Variants in CXADR observed in about 807,000 individuals in gnomAD.
The protein encoded by CXADR is CXADR cell adhesion molecule.
CXADR carries 20 observed loss-of-function variants against 40.3 expected under a neutral mutation model. The ratio of observed to expected loss-of-function variants is 0.50; its 90% confidence interval spans 0.35 to 0.72. The LOEUF (loss-of-function observed/expected upper bound fraction) is 0.72, where lower values mean the gene tolerates loss of function less well. Ranked by LOEUF, CXADR falls within the 30% of genes least tolerant of loss-of-function variation. CXADR has a pLI of 0.01. For missense variants in CXADR, 332 were observed against 449.1 expected (o/e 0.74, Z 2.36); for synonymous variants, 150 against 161.3 (o/e 0.93, Z 0.53).
intron 1 of CXADR, among the ~76,000 whole-genome samples, chr21:17,537,540 C>T (rs1363597027): frequency 6.6e-6 from 1 of 152,118 alleles, no homozygotes; most frequent in Non-Finnish European, 1.5e-5. Context: ...CATAGCTCCT[C>T]TCTGTCCCTG....
chr21:17,626,269 A>G, the CXADR span, among the ~76,000 whole-genome samples: 1 of 152,300 alleles, frequency 6.6e-6, no homozygotes, highest in East Asian at 1.9e-4. Flanking sequence ...CAGGTTTTTT[A>G]AAAAAATAAT....
intron 1 of CXADR, among the ~76,000 whole-genome samples, chr21:17,531,535 C>T (rs1169823965): frequency 2.0e-5 from 3 of 152,134 alleles, no homozygotes; most frequent in East Asian, 1.9e-4. Context: ...CAGCTCATGT[C>T]AGACTTTTTC....
chr21:17,594,190 T>C, downstream of CXADR: 2 of 1,613,312 alleles, frequency 1.2e-6, no homozygotes, highest in Non-Finnish European at 1.7e-6. Context: ...GCGATATGGT[T>C]TATTTTTTCT....
the CXADR span, among the ~76,000 whole-genome samples, chr21:17,618,746 A>G: frequency 6.6e-6 from 1 of 152,182 alleles, no homozygotes; most frequent in East Asian, 1.9e-4. Context: ...CATGTTAGCC[A>G]GGCTGGTCTC....
rs2061213102 is a variant in CXADR, at chr21:17,566,689, A to G, written c.*997A>G. The G allele has an allele frequency of 1.0e-6, 1 of 982,492 alleles. No homozygotes were observed. Among genetic ancestry groups the G allele is most frequent in the Admixed American group, 6.2e-5 (1 of 16,244 alleles). 60.9% of individuals were successfully genotyped at this position (982,492 alleles called of 1,614,324 possible). On this transcript the variant is annotated 3_prime_UTR_variant, in exon 7 of 7. Transcript: ENST00000284878. ...GTTGTTGTTGTTTTTGGATGGTGTT[A>G]CATATTATATGTTCTAGAAACATGT...
chr21:17,589,424 C>T (rs2061419386), intron 7 of CXADR, among the ~76,000 whole-genome samples: 2 of 151,976 alleles, frequency 1.3e-5, no homozygotes, highest in Admixed American at 6.6e-5. Context: ...CCTCCAGTTA[C>T]AAAGTAATAA....
At chr21:17,574,437 A>G (rs2061304142), downstream of CXADR, among the ~76,000 whole-genome samples, 1 of 152,164 alleles carries the variant, frequency 6.6e-6, no homozygotes, top group Non-Finnish European at 1.5e-5. Context: ...GTGAGTGGAT[A>G]TTAGGTTTTT....
the CXADR span, among the ~76,000 whole-genome samples, chr21:17,611,226 A>G: frequency 2.0e-5 from 3 of 152,206 alleles, no homozygotes; most frequent in Admixed American, 2.0e-4. Flanking sequence ...GGTTGGGAAG[A>G]AAGTTTTGCT....
Position 17,565,893 on chromosome 21 carries a change from G to A in CXADR, c.*201G>A, listed in dbSNP as rs2061202374. 1 of 1,242,304 alleles carries A rather than the reference G, an allele frequency of 8.0e-7. No homozygotes were observed. Among genetic ancestry groups the A allele is most frequent in the Admixed American group, 3.9e-5 (1 of 25,658 alleles). The allele number at this position is 1,242,304 out of a possible 1,614,324, so 77.0% of individuals were successfully genotyped here. ...CAGGCACTAAAGTTAGTAAAGAAAAGTTTACCATCTGAAAAAGCTGGATTT... is the reference window on the plus strand; with the variant it reads ...CAGGCACTAAAGTTAGTAAAGAAAAATTTACCATCTGAAAAAGCTGGATTT... On this transcript the variant is annotated 3_prime_UTR_variant, in exon 7 of 7. Transcript: ENST00000284878.
intron 2 of CXADR, among the ~76,000 whole-genome samples, chr21:17,547,470 T>C (rs1569111071): frequency 6.6e-6 from 1 of 152,182 alleles, no homozygotes; most frequent in East Asian, 1.9e-4. Context: ...GAGGAACTTA[T>C]GAAAGTTCTG....
chr21:17,564,910 T>G (rs1408342824), intron 6 of CXADR, among the ~76,000 whole-genome samples: 1 of 152,088 alleles, frequency 6.6e-6, no homozygotes, highest in Middle Eastern at 3.2e-3. Context: ...AATTTTTGTA[T>G]TTTTAGTAGA....
the CXADR span, among the ~76,000 whole-genome samples, chr21:17,633,877 GTTTTATAC>G: frequency 1.3e-5 from 2 of 152,094 alleles, no homozygotes; most frequent in Non-Finnish European, 2.9e-5. Flanking sequence ...CCTTCTTTGA[GTTTTATAC>G]TTTGTCTGAC....
At chr21:17,519,039 G>A (rs1282932216) in intron 1 of CXADR, 65 of 1,365,620 alleles carry the variant, frequency 4.8e-5, no homozygotes, top group African/African-American at 1.1e-4. Context: ...GCACCAGCAC[G>A]CGGCAAGAGC....
At chr21:17,539,680 C>T (rs1365555441) in intron 1 of CXADR, among the ~76,000 whole-genome samples, 1 of 152,194 alleles carries the variant, frequency 6.6e-6, no homozygotes, top group Admixed American at 6.5e-5. Flanking sequence ...ATTTAAATTC[C>T]TGTGCACTTC....
chr21:17,610,153 T>C, the CXADR span, among the ~76,000 whole-genome samples: 1 of 152,176 alleles, frequency 6.6e-6, no homozygotes, highest in Non-Finnish European at 1.5e-5. Flanking sequence ...GACAGATTAG[T>C]GGCCTACGGG....
At chr21:17,549,323 G>A (rs537750507) in intron 2 of CXADR, among the ~76,000 whole-genome samples, 7 of 152,218 alleles carry the variant, frequency 4.6e-5, no homozygotes, top group Admixed American at 6.5e-5. Context: ...GCTGCCTCCC[G>A]TGTTTCATAA....
intron 1 of CXADR, among the ~76,000 whole-genome samples, chr21:17,532,026 C>T (rs922960805): frequency 2.6e-5 from 4 of 151,554 alleles, no homozygotes; most frequent in South Asian, 2.1e-4. Context: ...ACTGCAGCCT[C>T]GACCTCCCAG....
In CXADR at chr21:17,559,001, C is replaced by G. The variant is rs772564161; in HGVS notation, c.441C>G (p.Tyr147Ter). Reference protein sequence around the residue: ...VLVKPSGARCYVDGSEEIGSD... With the variant: ...VLVKPSGARC ...TTAAGCCTTCAGGTGCGAGATGTTA[C>G]GTTGATGGATCTGAAGAAATTGGAA... Residue 147 changes from tyrosine to a stop codon, truncating the protein, a stop_gained, in exon 4 of 7, where the codon TAC becomes TAG. Transcript: ENST00000284878. LOFTEE classifies it high-confidence loss of function. 1 of 1,612,950 alleles carries G rather than the reference C, an allele frequency of 6.2e-7. No individual in the cohort carries two copies. Among genetic ancestry groups the G allele is most frequent in the Admixed American group, 1.7e-5 (1 of 59,890 alleles).
chr21:17,532,695 G>A (rs1047629038), intron 1 of CXADR, among the ~76,000 whole-genome samples: 1 of 152,300 alleles, frequency 6.6e-6, no homozygotes, highest in African/African-American at 2.4e-5. Flanking sequence ...ATGTATCATA[G>A]TAGAAGTATT....
Sources: allele counts gnomAD v4.1 joint callset (sites outside exome capture counted in the v4.1 genomes callset), GRCh38; gene constraint gnomAD v4.1.1; transcripts MANE v1.5; gene names NCBI Gene and HGNC (gene_info 2026-07-23, HGNC 2026-07-21).